The following UNC13C variants were observed in gnomAD, a reference collection of about 807,000 sequenced individuals.
The protein encoded by UNC13C is unc-13 homolog C.
Under a neutral mutation model 245.4 loss-of-function variants are expected in UNC13C, and 174 were observed. The observed-to-expected ratio is 0.71, with a 90% CI of 0.63 to 0.80. The LOEUF is 0.80. UNC13C is among the 30% of genes least tolerant of loss of function. UNC13C has a pLI of 0.00. For synonymous variants in UNC13C, 992 were observed against 895.1 expected (o/e 1.11, Z -1.93); for missense variants, 2,829 against 2,602.9 (o/e 1.09, Z -1.89).
chr15:54,455,110 T>C (rs955939234), intron 19 of UNC13C, among the ~76,000 whole-genome samples: 1 of 148,654 alleles, frequency 6.7e-6, no homozygotes, highest in Non-Finnish European at 1.5e-5. Flanking sequence ...TCCAACTCCA[T>C]CTAGGTTGCT....
intron 29 of UNC13C, among the ~76,000 whole-genome samples, chr15:54,567,556 A>G (rs545193599): frequency 1.3e-5 from 2 of 152,308 alleles, no homozygotes; most frequent in South Asian, 4.1e-4. Flanking sequence ...AAAATCTTGC[A>G]TAAGAGATAA....
the UNC13C span, among the ~76,000 whole-genome samples, chr15:53,906,403 C>A: frequency 1.3e-5 from 2 of 152,212 alleles, no homozygotes; most frequent in East Asian, 3.8e-4. Context: ...TATTTGCATT[C>A]CTGCCTGTGA....
chr15:54,013,481 G>A lies in UNC13C; in HGVS notation c.578G>A (p.Cys193Tyr), dbSNP rs768217726. Residue 193 changes from cysteine (C) to tyrosine (Y), a missense_variant, in exon 2 of 33, where the codon TGT (cysteine) becomes TAT (tyrosine). By Grantham distance (194) the Cys-to-Tyr change is radical. Transcript: ENST00000260323. ...AGAAAATGGAAAAAGAGTCAAGAAT[G>A]TGTCTCCTCAGACTCAGAGTTAAGC... ...KLRKWKKSQE[C>Y]VSSDSELSTM... is the part of the protein sequence containing the mutation. 1 of 1,613,888 alleles carries A rather than the reference G, an allele frequency of 6.2e-7. No individual in the cohort carries two copies. The highest frequency in any genetic ancestry group is 1.1e-5 in the South Asian group (1 of 91,084).
intron 30 of UNC13C, among the ~76,000 whole-genome samples, chr15:54,604,921 G>A (rs146245093): frequency 9.2e-4 from 137 of 149,612 alleles, no homozygotes; most frequent in Middle Eastern, 3.4e-3. Context: ...TAACAAATCT[G>A]CACTTCCGGC....
chr15:54,416,864 T>C (rs748095963), intron 19 of UNC13C: 60 of 455,864 alleles, frequency 1.3e-4, no homozygotes, highest in Non-Finnish European at 2.3e-4. Flanking sequence ...TATCATTGAT[T>C]CCTTTATTGT....
chr15:54,145,435 A>T (rs1447488247), intron 4 of UNC13C, among the ~76,000 whole-genome samples: 1 of 152,158 alleles, frequency 6.6e-6, no homozygotes, highest in Non-Finnish European at 1.5e-5. Context: ...TTACATCTCT[A>T]ACTTTAATGT....
At chr15:53,920,254 ATTCT>A in the UNC13C span, among the ~76,000 whole-genome samples, 1 of 152,068 alleles carries the variant, frequency 6.6e-6, no homozygotes, top group African/African-American at 2.4e-5. Flanking sequence ...TTTCTCTTGG[ATTCT>A]TTCTTTAGTC....
chr15:54,401,315 A>G (rs980110257), intron 18 of UNC13C, among the ~76,000 whole-genome samples: 4 of 152,166 alleles, frequency 2.6e-5, no homozygotes, highest in African/African-American at 7.2e-5. Context: ...TTAATTTGTA[A>G]AAGAGATATA....
rs183346053 is a variant in UNC13C at position 54,450,471 on chromosome 15, C to T, written c.4933+35404C>T. On this transcript the variant is annotated intron_variant, in intron 19 of 32. Coordinates refer to ENST00000260323, the MANE Select transcript of UNC13C (RefSeq NM_001080534.3). ...TTACCTACTCAAGCCTCAGCAATGG[C>T]GGGCGCCCCTTCTCCAGCCTCGCTG... Among the ~76,000 whole-genome samples, 71 of 152,332 alleles carry T rather than the reference C, an allele frequency of 4.7e-4. 1 individual carries two copies. The highest frequency in any genetic ancestry group is 1.0e-3 in the Non-Finnish European group (68 of 68,032).
intron 14 of UNC13C, among the ~76,000 whole-genome samples, chr15:54,327,036 T>C (rs918324227): frequency 3.3e-5 from 5 of 152,084 alleles, no homozygotes; most frequent in Non-Finnish European, 7.4e-5. Flanking sequence ...CAAAGAACTT[T>C]ACTAGATAAA....
intron 17 of UNC13C, among the ~76,000 whole-genome samples, chr15:54,355,365 C>CT (rs200012201): frequency 8.4e-4 from 127 of 151,036 alleles, no homozygotes; most frequent in African/African-American, 2.8e-3. Flanking sequence ...TCTCACTTTG[C>CT]TTTTTTTTTG....
chr15:54,059,266 C>T (rs1429473354), intron 2 of UNC13C, among the ~76,000 whole-genome samples: 4 of 152,114 alleles, frequency 2.6e-5, no homozygotes, highest in Non-Finnish European at 5.9e-5. Flanking sequence ...TTCAGCAAAG[C>T]CTCAGGATAC....
At chr15:53,998,047 C>T (rs937893655) in intron 1 of UNC13C, among the ~76,000 whole-genome samples, 39 of 152,266 alleles carry the variant, frequency 2.6e-4, no homozygotes, top group African/African-American at 9.4e-4. Flanking sequence ...AAGTGATCTT[C>T]CTACTTTGGC....
chr15:54,192,779 T>C (rs75078734), intron 4 of UNC13C, among the ~76,000 whole-genome samples: 4,392 of 152,210 alleles, frequency 0.029, 213 homozygotes, highest in African/African-American at 0.1. Context: ...CAGTCTTCAA[T>C]GTATTTGCCA....
At chr15:54,442,805 G>C (rs1890602871) in intron 19 of UNC13C, among the ~76,000 whole-genome samples, 1 of 151,938 alleles carries the variant, frequency 6.6e-6, no homozygotes, top group African/African-American at 2.4e-5. Flanking sequence ...ATGTGCTGTT[G>C]GATTTGTTAG....
chr15:53,912,848 A>G, the UNC13C span: 1 of 152,234 alleles, frequency 6.6e-6, no homozygotes, highest in Non-Finnish European at 1.5e-5. Flanking sequence ...TAACCAGTCA[A>G]AAAGCCTGAT....
intron 2 of UNC13C, among the ~76,000 whole-genome samples, chr15:54,137,964 T>A (rs1482811035): frequency 6.6e-6 from 1 of 152,174 alleles, no homozygotes; most frequent in East Asian, 1.9e-4. Context: ...TATCACTGTA[T>A]CCCTCTTAGA....
intron 19 of UNC13C, among the ~76,000 whole-genome samples, chr15:54,421,390 C>CTA (rs1428069566): frequency 2.0e-5 from 3 of 152,016 alleles, no homozygotes; most frequent in Non-Finnish European, 4.4e-5. Flanking sequence ...TACAAATGCC[C>CTA]TATAGCCCAA....
intron 7 of UNC13C, among the ~76,000 whole-genome samples, chr15:54,241,802 T>C (rs1484224044): frequency 6.6e-6 from 1 of 152,204 alleles, no homozygotes; most frequent in East Asian, 1.9e-4. Flanking sequence ...GAATACATGC[T>C]GAGTCTAATG....
Sources: allele counts gnomAD v4.1 joint callset (sites outside exome capture counted in the v4.1 genomes callset), GRCh38; gene constraint gnomAD v4.1.1; transcripts MANE v1.5; gene names NCBI Gene and HGNC (gene_info 2026-07-23, HGNC 2026-07-21).